The following RALGDS variants were observed in gnomAD, a reference collection of about 807,000 sequenced individuals.
The protein encoded by RALGDS is ral guanine nucleotide dissociation stimulator.
A neutral mutation model predicts 99.8 loss-of-function variants in RALGDS; 44 were observed. The observed-to-expected ratio is 0.44, with a 90% CI of 0.35 to 0.57. The LOEUF (loss-of-function observed/expected upper bound fraction) is 0.57. Ranked by LOEUF, RALGDS falls within the 20% of genes least tolerant of loss-of-function variation. The pLI, the probability that RALGDS is intolerant of heterozygous loss-of-function variation, is 0.01. For synonymous variants in RALGDS, 529 were observed against 505.0 expected (o/e 1.05, Z -0.64); for missense variants, 1,022 against 1,203.1 (o/e 0.85, Z 2.23).
chr9:133,114,577 C>T (rs1008753764), intron 1 of RALGDS, among the ~76,000 whole-genome samples: 28 of 152,202 alleles, frequency 1.8e-4, no homozygotes, highest in Non-Finnish European at 1.5e-5. Flanking sequence ...GCAGACAGCC[C>T]ATCTGGGCAG....
At chr9:133,130,371 C>T (rs1832299225) in intron 1 of RALGDS, among the ~76,000 whole-genome samples, 1 of 152,204 alleles carries the variant, frequency 6.6e-6, no homozygotes, top group Admixed American at 6.5e-5. Context: ...GCCTTGGCCT[C>T]CCAAAGTGGT....
chr9:133,143,738 C>CAATAAT (rs747330308), intron 1 of RALGDS, among the ~76,000 whole-genome samples: 3,790 of 107,632 alleles, frequency 0.035, 76 homozygotes, highest in East Asian at 0.083. Flanking sequence ...GACCCTGTCT[C>CAATAAT]AATAATAATA....
chr9:133,127,726 T>C (rs1412235376), intron 1 of RALGDS, among the ~76,000 whole-genome samples: 4 of 152,180 alleles, frequency 2.6e-5, no homozygotes, highest in Admixed American at 6.5e-5. Context: ...TCCTCCTCCT[T>C]CTGCCGCCAG....
At chr9:133,107,463 AAGAAG>A (rs1176898975) in intron 6 of RALGDS, among the ~76,000 whole-genome samples, 163 bp from the exon 7 acceptor site, 2 of 152,186 alleles carry the variant, frequency 1.3e-5, no homozygotes, top group African/African-American at 4.8e-5. Flanking sequence ...CGCTGGTGGG[AAGAAG>A]AGGAGCACCG....
At chr9:133,113,557 A>AC (rs139588934) in intron 1 of RALGDS, among the ~76,000 whole-genome samples, 1 of 151,888 alleles carries the variant, frequency 6.6e-6, no homozygotes, top group African/African-American at 2.4e-5. Context: ...TCACACCCAC[A>AC]CCCCACAAAC....
intron 1 of RALGDS, among the ~76,000 whole-genome samples, chr9:133,145,916 G>C (rs1309932776): frequency 1.3e-5 from 2 of 152,200 alleles, no homozygotes; most frequent in African/African-American, 2.4e-5. Context: ...GCAGGGTCCT[G>C]CTGACCCCTG....
At chr9:133,121,581 T>C (rs1831949767), upstream of RALGDS, among the ~76,000 whole-genome samples, 1 of 141,770 alleles carries the variant, frequency 7.1e-6, no homozygotes, top group Non-Finnish European at 1.6e-5. Flanking sequence ...GGCTGAAATG[T>C]GTACGTGCTG....
At chr9:133,125,485 G>A (rs12343251), upstream of RALGDS, among the ~76,000 whole-genome samples, 1,086 of 152,308 alleles carry the variant, frequency 7.1e-3, 11 homozygotes, top group African/African-American at 0.024. Context: ...TGTAATTCCA[G>A]CACTTTGGGA....
intron 8 of RALGDS, 102 bp from the exon 9 acceptor site, chr9:133,106,118 G>C (rs1357399380): frequency 2.2e-6 from 2 of 891,232 alleles, no homozygotes; most frequent in Non-Finnish European, 3.6e-6. Flanking sequence ...CAGACTGCCT[G>C]AACGCAGCAC....
chr9:133,099,940 G>A, intron 17 of RALGDS: 1 of 394,558 alleles, frequency 2.5e-6, no homozygotes, highest in Non-Finnish European at 4.8e-6. Context: ...TCTTTGTAGA[G>A]CACATGTTTT....
chr9:133,119,593 C>A (rs567819979), intron 1 of RALGDS, among the ~76,000 whole-genome samples: 1 of 152,060 alleles, frequency 6.6e-6, no homozygotes, highest in African/African-American at 2.4e-5. Flanking sequence ...AGCGCTCCGC[C>A]GGACCCTCCC....
intron 16 of RALGDS, chr9:133,100,613 T>A (rs138001756): frequency 7.1e-7 from 1 of 1,412,476 alleles, no homozygotes; most frequent in African/African-American, 1.4e-5. Context: ...GAGGGGTCTG[T>A]CCCAGCAGTG....
intron 1 of RALGDS, among the ~76,000 whole-genome samples, chr9:133,118,916 T>C (rs563955187): frequency 6.6e-6 from 1 of 152,248 alleles, no homozygotes. Context: ...ACCTACTCTG[T>C]AGGGTTGGTC....
chr9:133,148,884 CT>C, intron 1 of RALGDS: 3 of 1,533,458 alleles, frequency 2.0e-6, no homozygotes, highest in East Asian at 2.4e-5. Context: ...GCCGGGCTCC[CT>C]CCCCCCGGTG....
chr9:133,143,829 G>A (rs1380318502), intron 1 of RALGDS, among the ~76,000 whole-genome samples: 2 of 148,798 alleles, frequency 1.3e-5, no homozygotes, highest in South Asian at 2.1e-4. Context: ...TAAAATAAAG[G>A]AATGGCTTCC....
At chr9:133,138,512 T>A (rs1482961496) in intron 1 of RALGDS, among the ~76,000 whole-genome samples, 1 of 152,208 alleles carries the variant, frequency 6.6e-6, no homozygotes, top group Admixed American at 6.5e-5. Flanking sequence ...CAGCTGGGTG[T>A]GCCAGGCAGT....
At position 133,107,223 on chromosome 9, in the gene RALGDS, G is replaced by A; in HGVS notation, c.1275C>T (p.His425=). ...WSQRDKKGKE[H]LAPTIRATVT... ...CAGTGGCGCGGATGGTGGGCGCCAG[G>A]TGCTCCTTGCCCTTCTTGTCCCGCT... Residue 425 remains histidine (H), a synonymous_variant, in exon 7 of 18, where the codon CAC becomes CAT. Transcript: ENST00000372050. 6.2e-7 allele frequency: 1 copy of A among 1,613,736 alleles called. No individual in the cohort carries two copies. The highest frequency in any genetic ancestry group is 8.5e-7 in the Non-Finnish European group (1 of 1,180,034).
intron 9 of RALGDS, 166 bp from the exon 10 acceptor site, chr9:133,104,497 C>A (rs943121255): frequency 7.6e-6 from 5 of 660,352 alleles, no homozygotes; most frequent in African/African-American, 1.8e-5. Flanking sequence ...CCTGCCTCCC[C>A]CTCTGGAAAG....
intron 1 of RALGDS, among the ~76,000 whole-genome samples, chr9:133,117,775 C>G (rs1831685276): frequency 6.6e-6 from 1 of 152,374 alleles, no homozygotes; most frequent in African/African-American, 2.4e-5. Flanking sequence ...TGGGAGCCAT[C>G]TGGGCGGCCA....
Sources: allele counts gnomAD v4.1 joint callset (sites outside exome capture counted in the v4.1 genomes callset), GRCh38; gene constraint gnomAD v4.1.1; transcripts MANE v1.5; gene names NCBI Gene and HGNC (gene_info 2026-07-23, HGNC 2026-07-21).